KMT2D: variants seen among roughly 807,000 people sequenced by gnomAD.
KMT2D encodes the protein histone-lysine N-methyltransferase 2D.
A neutral mutation model predicts 512.7 loss-of-function variants in KMT2D; 55 were observed. That is an observed-to-expected ratio of 0.11 (90% CI 0.09 to 0.13). KMT2D has a LOEUF of 0.13. Among genes scored for constraint, KMT2D ranks in the 10% least tolerant of loss-of-function variants. The probability of loss-of-function intolerance (pLI) is 1.00; values close to 1 mark genes in which losing one functional copy is unlikely to be tolerated. For synonymous variants in KMT2D, 2,995 were observed against 2,904.0 expected (o/e 1.03, Z -1.01); for missense variants, 6,061 against 7,127.9 (o/e 0.85, Z 5.39).
At position 49,021,343 on chromosome 12, in the gene KMT2D, G is replaced by A. The variant is rs1942319017; in HGVS notation, c.*437C>T. On this transcript the variant is annotated 3_prime_UTR_variant, in exon 55 of 55. Transcript: ENST00000301067. ...GGCCAGGTGTGGGACCCGGCCTTTGGGATTGTCAAGCTTAGTCAAGTCTCT... is the reference window on the plus strand; with the variant it reads ...GGCCAGGTGTGGGACCCGGCCTTTGAGATTGTCAAGCTTAGTCAAGTCTCT... 2 of 253,332 alleles carry A rather than the reference G, an allele frequency of 7.9e-6. No homozygotes were observed. The highest frequency in any genetic ancestry group is 1.2e-4 in the East Asian group (2 of 17,038). 15.7% of individuals were successfully genotyped at this position (253,332 alleles called of 1,614,324 possible).
In KMT2D at chr12:49,039,203, G is replaced by C. The variant is rs1280549042; in HGVS notation, c.8366+19C>G. On this transcript the variant is annotated intron_variant, in intron 34 of 54. Coordinates refer to ENST00000301067, the MANE Select transcript of KMT2D (RefSeq NM_003482.4). The surrounding 1 kb of genome is among the most constrained non-coding windows in gnomAD (Gnocchi z 5.0). ...CCATCCCCCTTGGTTTACCCCCAGG[G>C]AACCTCCTGGAGCCTCACCGGCTGT... 6.2e-7 allele frequency: 1 copy of C among 1,612,738 alleles called. No individual in the cohort carries two copies. The highest frequency in any genetic ancestry group is 2.2e-5 in the East Asian group (1 of 44,876).
chr12:49,033,034 C>T lies in KMT2D; in HGVS notation c.11671G>A (p.Ala3891Thr), dbSNP rs886049476. 2.3e-5 allele frequency: 35 copies of T among 1,551,152 alleles called. No individual in the cohort carries two copies. The highest frequency in any genetic ancestry group is 2.7e-5 in the Non-Finnish European group (31 of 1,146,894). ...MSHSGQPKLS[A>T]QPMGSLQQLQ... The stretch of plus-strand genomic sequence containing the variant: ...TGCTGTAAAGAGCCCATGGGCTGAG[C>T]GCTCAGTTTGGGCTGCCCACTGTGT... Residue 3891 changes from alanine (A) to threonine (T), a missense_variant, in exon 40 of 55, where the codon GCT becomes ACT. This residue lies in a region of KMT2D where 1,600 missense variants were observed against 1,754.9 expected (regional missense o/e 0.91). Coordinates refer to ENST00000301067, the MANE Select transcript of KMT2D (RefSeq NM_003482.4).
At position 49,039,650 on chromosome 12, in the gene KMT2D, A is replaced by C. The variant is rs1054536277; in HGVS notation, c.8047-33T>G. 18 of 1,603,496 alleles carry C rather than the reference A, an allele frequency of 1.1e-5. No homozygotes were observed. The highest frequency in any genetic ancestry group is 1.7e-4 in the Middle Eastern group (1 of 6,048). ...AAAAAAAGAGAAGAGGAATAAGCCC[A>C]TTCTACTCCAATCATAGGGCTGCCC... On this transcript the variant is annotated intron_variant, in intron 32 of 54. Transcript: ENST00000301067. This position sits in a 1 kb window ranked among gnomAD's most constrained non-coding sequence, Gnocchi z 5.0.
At position 49,020,714 on chromosome 12, in the gene KMT2D, A is replaced by T; in HGVS notation, c.*1066T>A. 4.8e-6 allele frequency: 1 copy of T among 209,654 alleles called. No homozygotes were observed. The highest frequency in any genetic ancestry group is 9.7e-6 in the Non-Finnish European group (1 of 103,014). 13.0% of individuals were successfully genotyped at this position (209,654 alleles called of 1,614,324 possible). On this transcript the variant is annotated 3_prime_UTR_variant, in exon 55 of 55. Coordinates refer to ENST00000301067, the MANE Select transcript of KMT2D (RefSeq NM_003482.4). The stretch of plus-strand genomic sequence containing the variant: ...CTGCCTCACTAGGTATGGGCATGCC[A>T]CTCAGGGATAGCCCTCACCCTACCC...
intron 48 of KMT2D, 119 bp from the exon 49 acceptor site, chr12:49,027,441 C>T: frequency 4.9e-6 from 4 of 819,402 alleles, no homozygotes; most frequent in Admixed American, 2.8e-5. Flanking sequence ...TAGACAGCCT[C>T]TTTTTTCTTT....
rs759923704 is a variant in KMT2D, at chr12:49,054,630, C to G, written c.298G>C (p.Gly100Arg). 6.2e-7 allele frequency: 1 copy of G among 1,613,262 alleles called. No homozygotes were observed. The highest frequency in any genetic ancestry group is 8.5e-7 in the Non-Finnish European group (1 of 1,179,524). Residue 100 changes from glycine (G) to arginine (R), a missense_variant, in exon 4 of 55, where the codon GGG (glycine) becomes CGG (arginine). Physicochemically the swap from Gly to Arg is moderately radical, Grantham distance 125. This residue lies in a region of KMT2D where 144 missense variants were observed against 165.7 expected (regional missense o/e 0.87). Transcript: ENST00000301067. The surrounding 1 kb of genome is among the most constrained non-coding windows in gnomAD (Gnocchi z 6.4). ...GCCTCATTGGGCCCTGGGCTCCCCC[C>G]AGGGGACACCACTGGACACCGGGGC... ...DWPRCPVVSP[G>R]GSPGPNEAVL...
chr12:49,033,484 G>C lies in KMT2D; in HGVS notation c.11221C>G (p.Gln3741Glu). ...AQKLQQQQQQ[Q>E]QQQQHLLGQV... ...CCTAGAAGGTGCTGCTGCTGCTGTT[G>C]CTGCTGCTGCTGCTGCTGCAGTTTC... The change falls in exon 40 of 55, where the codon CAA (glutamine) becomes GAA (glutamate). Residue 3741 changes from glutamine to glutamate, a missense_variant. Coordinates refer to ENST00000301067, the MANE Select transcript of KMT2D (RefSeq NM_003482.4). 8 of 1,603,580 alleles carry C rather than the reference G, an allele frequency of 5.0e-6. No homozygotes were observed. The highest frequency in any genetic ancestry group is 6.8e-6 in the Non-Finnish European group (8 of 1,174,012).
In KMT2D at chr12:49,032,496, G is replaced by C; in HGVS notation, c.12209C>G (p.Ser4070Cys). 1.3e-6 allele frequency: 2 copies of C among 1,574,290 alleles called. No homozygotes were observed. The highest frequency in any genetic ancestry group is 1.7e-6 in the Non-Finnish European group (2 of 1,159,686). The change falls in exon 40 of 55, where the codon TCT (serine) becomes TGT (cysteine). Residue 4070 changes from serine to cysteine, a missense_variant. Coordinates refer to ENST00000301067, the MANE Select transcript of KMT2D (RefSeq NM_003482.4). ...TEPGEVKPSL[S>C]GDSQLLLVQP... ...GACAAGCAGGAGTTGTGAGTCCCCA[G>C]AGAGTGAGGGCTTTACCTCTCCTGG...
In KMT2D at chr12:49,040,810, C is replaced by G. The variant is rs1943478552; in HGVS notation, c.6960G>C (p.Glu2320Asp). The G allele has an allele frequency of 6.2e-7, 1 of 1,613,756 alleles. No individual in the cohort carries two copies. The highest frequency in any genetic ancestry group is 8.5e-7 in the Non-Finnish European group (1 of 1,179,766). Residue 2320 changes from glutamate to aspartate, a missense_variant, in exon 32 of 55, where the codon GAG (glutamate) becomes GAC (aspartate). Glu to Asp is a conservative substitution (Grantham distance 45, BLOSUM62 2). Coordinates refer to ENST00000301067, the MANE Select transcript of KMT2D (RefSeq NM_003482.4). ...CTTTGAAGACATCAGGTGTCTTTAACTCCAGGCCACCCAGGTGGGTGCCTG... is the reference window on the plus strand; with the variant it reads ...CTTTGAAGACATCAGGTGTCTTTAAGTCCAGGCCACCCAGGTGGGTGCCTG... ...PSSGTHLGGL[E>D]LKTPDVFKAP...
intron 46 of KMT2D, 117 bp from the exon 47 acceptor site, chr12:49,028,258 T>G (rs1022079978): frequency 2.5e-5 from 31 of 1,244,156 alleles, no homozygotes; most frequent in Non-Finnish European, 3.0e-5. Flanking sequence ...GGTAGTTCTA[T>G]CCTATGTCAC....
chr12:49,045,891 C>T lies in KMT2D; in HGVS notation c.4741+29G>A, dbSNP rs193023913. On this transcript the variant is annotated intron_variant, in intron 19 of 54. Coordinates refer to ENST00000301067, the MANE Select transcript of KMT2D (RefSeq NM_003482.4). ...AGATGATGTCCGACGTCTGGTCTGG[C>T]TTTGGCATTCAAAATTTCTGTGACT... The T allele has an allele frequency of 3.8e-6, 6 of 1,576,380 alleles. No homozygotes were observed. The African/African-American group carries it at 5.4e-5, about 14-fold the overall frequency.
In KMT2D at chr12:49,042,734, GTAT is replaced by G. The variant is rs1433419829; in HGVS notation, c.5782+4_5782+6del. 2.5e-6 allele frequency: 4 copies of G among 1,612,728 alleles called. No homozygotes were observed. In the African/African-American group the frequency reaches 4.0e-5, roughly 16 times the overall value. On this transcript the variant is annotated splice_donor_5th_base_variant and intron_variant, in intron 27 of 54. Coordinates refer to ENST00000301067, the MANE Select transcript of KMT2D (RefSeq NM_003482.4). The surrounding 1 kb of genome is among the most constrained non-coding windows in gnomAD (Gnocchi z 4.4). Reference sequence around the variant, plus strand: ...GTCAGTCTTCAGACCACTCCCACCTGTATTACCTTGAAGAAAGGGCCTCTGCAG... The same window carrying G: ...GTCAGTCTTCAGACCACTCCCACCTGTACCTTGAAGAAAGGGCCTCTGCAG...
Position 49,042,319 on chromosome 12 carries a change from C to A in KMT2D, c.5879G>T (p.Gly1960Val), listed in dbSNP as rs201850451. Residue 1960 changes from glycine to valine, a missense_variant, in exon 29 of 55, where the codon GGC (glycine) becomes GTC (valine). Physicochemically the swap from Gly to Val is moderately radical, Grantham distance 109. This residue lies in a region of KMT2D where 640 missense variants were observed against 814.3 expected (regional missense o/e 0.79). Transcript: ENST00000301067. This position sits in a 1 kb window ranked among gnomAD's most constrained non-coding sequence, Gnocchi z 4.4. ...SPFLDSRERG[G>V]FFSPEPGEPD... ...CTCACCGGGTTCCGGGCTAAAGAAG[C>A]CCCCGCGCTCCCTGGGGCGCAGGGG... The A allele has an allele frequency of 2.0e-6, 3 of 1,534,262 alleles. No homozygotes were observed. The highest frequency in any genetic ancestry group is 2.4e-5 in the East Asian group (1 of 41,412).
intron 48 of KMT2D, 24 bp downstream of exon 48, chr12:49,027,778 AC>A (rs748470917): frequency 6.8e-5 from 105 of 1,552,340 alleles, no homozygotes; most frequent in Non-Finnish European, 7.3e-5. Flanking sequence ...TCTAACACCC[AC>A]CCCTTTTTCT....
In KMT2D at chr12:49,053,600, A is replaced by G. The variant is rs572738570; in HGVS notation, c.715T>C (p.Cys239Arg). The change falls in exon 7 of 55, where the codon TGT becomes CGT. Residue 239 changes from cysteine to arginine, a missense_variant. By Grantham distance (180) the Cys-to-Arg change is radical. Around this residue, in one of 16 missense-constraint regions of KMT2D, gnomAD observed 160 missense variants for 225.8 expected, o/e 0.71. Coordinates refer to ENST00000301067, the MANE Select transcript of KMT2D (RefSeq NM_003482.4). ...CAGCTGGTACAGAAGAACAGGTCAC[A>G]CAACTCCCCTGGCCCCTCACACACT... ...CAVCEGPGELCDLFFCTSCGH... is the reference protein window; with the variant it reads ...CAVCEGPGELRDLFFCTSCGH... The G allele has an allele frequency of 1.9e-6, 3 of 1,597,878 alleles. No homozygotes were observed. In the East Asian group the frequency reaches 6.8e-5, roughly 36 times the overall value.
rs376202668 is a variant in KMT2D, at chr12:49,039,929, G to A, written c.7841C>T (p.Ser2614Leu). The A allele has an allele frequency of 1.3e-5, 21 of 1,613,840 alleles. No individual in the cohort carries two copies. The highest frequency in any genetic ancestry group is 6.7e-5 in the East Asian group (3 of 44,890). Residue 2614 changes from serine (S) to leucine (L), a missense_variant, in exon 32 of 55, where the codon TCG (serine) becomes TTG (leucine). Physicochemically the swap from Ser to Leu is moderately radical, Grantham distance 145. Around this residue, in one of 16 missense-constraint regions of KMT2D, gnomAD observed 527 missense variants for 578.9 expected, o/e 0.91. Coordinates refer to ENST00000301067, the MANE Select transcript of KMT2D (RefSeq NM_003482.4). This position sits in a 1 kb window ranked among gnomAD's most constrained non-coding sequence, Gnocchi z 5.0. ...SYGLSPLRPP[S>L]VLPPPAPDGS... ...GTCGGGTGCAGGTGGTGGCAGAACC[G>A]ACGGAGGGCGTAGTGGGGACAGCCC...
In KMT2D at chr12:49,034,981, C is replaced by T. The variant is rs767918759; in HGVS notation, c.10232-46G>A. 3 of 1,606,416 alleles carry T rather than the reference C, an allele frequency of 1.9e-6. No homozygotes were observed. In the South Asian group the frequency reaches 3.3e-5, roughly 18 times the overall value. On this transcript the variant is annotated intron_variant, in intron 35 of 54. Coordinates refer to ENST00000301067, the MANE Select transcript of KMT2D (RefSeq NM_003482.4). ...TGAGCTGGGCTATGGGGCCAATGCT[C>T]CAGTGAATATCTGCGATTCCCTTCA... is the stretch of plus-strand genomic sequence containing the variant.
At position 49,038,439 on chromosome 12, in the gene KMT2D, G is replaced by T; in HGVS notation, c.8917C>A (p.Leu2973Ile). ...AGGGCCAGAGGATTGGGGCGGCCAA[G>T]CTCAGTGCTCGACGGGGGCCGGTTG... ...LVNRPPSSTE[L>I]GRPNPLALEA... is the part of the protein sequence containing the mutation. Residue 2973 changes from leucine (L) to isoleucine (I), a missense_variant, in exon 35 of 55, where the codon CTT becomes ATT. Leu to Ile is a conservative substitution (Grantham distance 5). This residue lies in a region of KMT2D where 527 missense variants were observed against 578.9 expected (regional missense o/e 0.91). Coordinates refer to ENST00000301067, the MANE Select transcript of KMT2D (RefSeq NM_003482.4). The surrounding 1 kb of genome is among the most constrained non-coding windows in gnomAD (Gnocchi z 5.7). 6.2e-7 allele frequency: 1 copy of T among 1,612,150 alleles called. No individual in the cohort carries two copies. The highest frequency in any genetic ancestry group is 8.5e-7 in the Non-Finnish European group (1 of 1,178,572).
rs1254883193 is a variant in KMT2D, at chr12:49,019,910, C to A, written c.*1870G>T. The A allele has an allele frequency of 1.7e-5, 4 of 229,108 alleles. No homozygotes were observed. The highest frequency in any genetic ancestry group is 3.5e-5 in the Non-Finnish European group (4 of 115,286). 14.2% of individuals were successfully genotyped at this position (229,108 alleles called of 1,614,324 possible). ...CCAAGCTCCCCCTCCAGCAGGCCCG[C>A]CCGTCCACCACCACCAAGCCCACCC... On this transcript the variant is annotated 3_prime_UTR_variant, in exon 55 of 55. Transcript: ENST00000301067.
Sources: allele counts gnomAD v4.1 joint callset, GRCh38; gene constraint gnomAD v4.1.1; regional missense constraint gnomAD v4.1.1; non-coding constraint Gnocchi (gnomAD v3.1); transcripts MANE v1.5; gene names NCBI Gene and HGNC (gene_info 2026-07-23, HGNC 2026-07-21).